Variants in KCNH5 observed in about 807,000 individuals in gnomAD.
KCNH5 encodes potassium voltage-gated channel subfamily H member 5, also known as voltage-gated delayed rectifier potassium channel KCNH5.
KCNH5 carries 46 observed loss-of-function variants against 96.1 expected under a neutral mutation model. That is an observed-to-expected ratio of 0.48 (90% CI 0.38 to 0.61). The LOEUF (loss-of-function observed/expected upper bound fraction) is 0.61. KCNH5 is among the 20% of genes least tolerant of loss of function. The pLI is 0.00. For missense variants in KCNH5, 907 were observed against 1,225.8 expected (o/e 0.74, Z 3.88); for synonymous variants, 439 against 449.8 (o/e 0.98, Z 0.30).
At chr14:62,960,694 C>T (rs1407387154) in intron 6 of KCNH5, among the ~76,000 whole-genome samples, 1 of 152,114 alleles carries the variant, frequency 6.6e-6, no homozygotes, top group Non-Finnish European at 1.5e-5. Context: ...TTGCAAACTA[C>T]ATTTGTTATC....
chr14:62,921,343 AAATACAGGAAAGT>A (rs1345673576), intron 7 of KCNH5, among the ~76,000 whole-genome samples: 1 of 152,166 alleles, frequency 6.6e-6, no homozygotes, highest in African/African-American at 2.4e-5. Flanking sequence ...CTGTTCTTTA[AAATACAGGAAAGT>A]ATGATTTATG....
At chr14:62,719,699 G>A (rs1293535757) in intron 10 of KCNH5, among the ~76,000 whole-genome samples, 1 of 152,184 alleles carries the variant, frequency 6.6e-6, no homozygotes, top group Non-Finnish European at 1.5e-5. Flanking sequence ...GTTGAAGTAC[G>A]GCGCTGGGAT....
chr14:62,730,605 GTT>G (rs1348871390), intron 10 of KCNH5, among the ~76,000 whole-genome samples: 1 of 152,076 alleles, frequency 6.6e-6, no homozygotes, highest in African/African-American at 2.4e-5. Context: ...CTTTTATCTT[GTT>G]TGATATTAGC....
At chr14:62,937,836 G>A (rs1035511175) in intron 7 of KCNH5, among the ~76,000 whole-genome samples, 13 of 152,150 alleles carry the variant, frequency 8.5e-5, no homozygotes, top group Non-Finnish European at 1.5e-5. Context: ...AAGGAATTTG[G>A]AGTGTCAGTG....
intron 10 of KCNH5, among the ~76,000 whole-genome samples, chr14:62,766,997 T>G (rs1885875556): frequency 1.3e-5 from 2 of 149,774 alleles, no homozygotes; most frequent in Non-Finnish European, 2.9e-5. Flanking sequence ...TAAAAATATT[T>G]TTTAAATGAG....
At chr14:62,925,090 A>G (rs1889448757) in intron 7 of KCNH5, among the ~76,000 whole-genome samples, 1 of 151,838 alleles carries the variant, frequency 6.6e-6, no homozygotes, top group African/African-American at 2.4e-5. Flanking sequence ...TAAAATTTTT[A>G]TTTGTCATAG....
At chr14:62,962,379 C>G (rs182313200) in intron 6 of KCNH5, among the ~76,000 whole-genome samples, 89 of 152,260 alleles carry the variant, frequency 5.8e-4, no homozygotes, top group Non-Finnish European at 1.2e-3. Context: ...GATGCAATAG[C>G]GTTCATCAAA....
intron 10 of KCNH5, among the ~76,000 whole-genome samples, chr14:62,758,197 A>C (rs1325974073): frequency 6.6e-6 from 1 of 152,086 alleles, no homozygotes; most frequent in Non-Finnish European, 1.5e-5. Flanking sequence ...ATTTGATGGC[A>C]CAACAGGGTG....
chr14:62,911,764 C>T (rs530242683), intron 7 of KCNH5, among the ~76,000 whole-genome samples: 7 of 150,460 alleles, frequency 4.7e-5, no homozygotes, highest in African/African-American at 1.5e-4. Context: ...TAGCTGGGCA[C>T]GGTGGCTCAC....
intron 2 of KCNH5, among the ~76,000 whole-genome samples, chr14:63,015,003 A>G (rs1365778441): frequency 6.6e-6 from 1 of 152,018 alleles, no homozygotes; most frequent in Non-Finnish European, 1.5e-5. Flanking sequence ...TGGCCCAACG[A>G]TATCAGTGCT....
chr14:62,725,836 C>T (rs751271556), intron 10 of KCNH5, among the ~76,000 whole-genome samples: 3 of 152,020 alleles, frequency 2.0e-5, no homozygotes, highest in Non-Finnish European at 4.4e-5. Context: ...TGCAAAAGGC[C>T]TACAATAGCC....
intron 7 of KCNH5, among the ~76,000 whole-genome samples, chr14:62,866,651 G>A (rs914920548): frequency 1.3e-5 from 2 of 152,138 alleles, no homozygotes; most frequent in South Asian, 4.1e-4. Flanking sequence ...GCATGACTGA[G>A]GCTGACAGCT....
intron 3 of KCNH5, among the ~76,000 whole-genome samples, chr14:63,005,305 G>A (rs7140971): frequency 0.3 from 45,134 of 152,004 alleles, 8,125 homozygotes; most frequent in East Asian, 0.58. Context: ...AATGTCTCAC[G>A]CTGTTATTCC....
intron 7 of KCNH5, among the ~76,000 whole-genome samples, chr14:62,948,151 A>G (rs1259178799): frequency 6.6e-6 from 1 of 152,202 alleles, no homozygotes; most frequent in Non-Finnish European, 1.5e-5. Flanking sequence ...TACAAAGGAC[A>G]TGAACGCATC....
chr14:62,705,867 A>G lies in KCNH5; in HGVS notation c.*1641T>C, dbSNP rs1430515027. The G allele has an allele frequency of 1.3e-5, 2 of 152,192 alleles. No homozygotes were observed. The highest frequency in any genetic ancestry group is 1.9e-4 in the East Asian group (1 of 5,190). 9.4% of individuals were successfully genotyped at this position (152,192 alleles called of 1,614,324 possible). On this transcript the variant is annotated 3_prime_UTR_variant, in exon 11 of 11. Transcript: ENST00000322893. Reference sequence around the variant, plus strand: ...TCGATTTTGCCATCATCTTTTGCATATTGTTAACATATATGTACAGATGGT... The same window carrying G: ...TCGATTTTGCCATCATCTTTTGCATGTTGTTAACATATATGTACAGATGGT...
chr14:62,949,937 C>T (rs923065210), intron 7 of KCNH5, 196 bp downstream of exon 7: 1 of 538,408 alleles, frequency 1.9e-6, no homozygotes, highest in Non-Finnish European at 3.3e-6. Context: ...GTTTTTCACA[C>T]ATTATTATGT....
intron 1 of KCNH5, among the ~76,000 whole-genome samples, chr14:63,017,877 C>A (rs1192008087): frequency 6.6e-6 from 1 of 151,682 alleles, no homozygotes; most frequent in Non-Finnish European, 1.5e-5. Context: ...GACTTTAAAT[C>A]CTCATTCATA....
chr14:62,952,491 T>C (rs916941115), intron 6 of KCNH5, among the ~76,000 whole-genome samples: 3 of 152,134 alleles, frequency 2.0e-5, no homozygotes, highest in African/African-American at 7.2e-5. Context: ...ACTTCTGCTC[T>C]AAAGAAACGC....
intron 7 of KCNH5, among the ~76,000 whole-genome samples, chr14:62,936,558 C>T (rs1456590358): frequency 6.6e-6 from 1 of 151,622 alleles, no homozygotes; most frequent in Non-Finnish European, 1.5e-5. Flanking sequence ...GCCTGTAGTC[C>T]CAGCTACTTG....
Sources: allele counts gnomAD v4.1 joint callset (sites outside exome capture counted in the v4.1 genomes callset), GRCh38; gene constraint gnomAD v4.1.1; transcripts MANE v1.5; gene names NCBI Gene and HGNC (gene_info 2026-07-23, HGNC 2026-07-21).